Variants in FKBP11 observed in about 807,000 individuals in gnomAD.
FKBP11 encodes FKBP prolyl isomerase 11, also known as peptidyl-prolyl cis-trans isomerase FKBP11.
Under a neutral mutation model 24.7 loss-of-function variants are expected in FKBP11, and 21 were observed. That is an observed-to-expected ratio of 0.85 (90% CI 0.60 to 1.23). The LOEUF is 1.23. FKBP11 is among the 50% of genes most tolerant of loss of function. The pLI is 0.00. For missense variants in FKBP11, 245 were observed against 248.7 expected, an observed-to-expected ratio of 0.99 and a Z score of 0.10; for synonymous variants, 106 against 100.6, an observed-to-expected ratio of 1.05 and a Z score of -0.32.
At chr12:48,931,128 T>TAAAA (rs35482677), upstream of FKBP11, among the ~76,000 whole-genome samples, 131 of 36,208 alleles carry the variant, frequency 3.6e-3, 31 homozygotes, top group Middle Eastern at 0.028. Context: ...GACTCCAGCT[T>TAAAA]AAAAAAAAAA....
chr12:48,937,382 G>A, the FKBP11 span: 6 of 152,606 alleles, frequency 3.9e-5, no homozygotes, highest in East Asian at 1.9e-4. Flanking sequence ...GGACAGCCAC[G>A]TCTTCACAGA....
chr12:48,931,636 A>G, the FKBP11 span: 38 of 625,144 alleles, frequency 6.1e-5, no homozygotes, highest in Middle Eastern at 2.6e-4. Flanking sequence ...ACCCTACCAC[A>G]GTACCTGGGC....
the FKBP11 span, chr12:48,938,294 A>G: frequency 4.2e-4 from 184 of 433,154 alleles, 1 homozygote; most frequent in African/African-American, 3.5e-3. Context: ...AACCAGTCAA[A>G]GACTGGGGCA....
the FKBP11 span, chr12:48,931,501 G>A: frequency 1.3e-6 from 2 of 1,529,164 alleles, no homozygotes; most frequent in South Asian, 1.2e-5. Context: ...AACAGAGAAA[G>A]GTGAGATGAT....
chr12:48,922,488 T>C, intron 5 of FKBP11: 1 of 975,042 alleles, frequency 1.0e-6, no homozygotes, highest in Non-Finnish European at 1.3e-6. Context: ...CTCTTCTCCA[T>C]TTGTAAGTGG....
the FKBP11 span, among the ~76,000 whole-genome samples, chr12:48,932,225 A>ATTTT: frequency 4.4e-4 from 17 of 38,760 alleles, no homozygotes; most frequent in African/African-American, 1.7e-3. Context: ...ATAAACATAT[A>ATTTT]TTTATATATA....
intron 2 of FKBP11, 127 bp downstream of exon 2, chr12:48,924,919 C>A: frequency 6.9e-7 from 1 of 1,439,088 alleles, no homozygotes. Context: ...TCGCCACGTG[C>A]TCGACGACCC....
At chr12:48,925,010 CTCCCA>C in intron 2 of FKBP11, 31 bp downstream of exon 2, 8 of 1,578,488 alleles carry the variant, frequency 5.1e-6, no homozygotes, top group Non-Finnish European at 6.9e-6. Flanking sequence ...GCGCCGCCCC[CTCCCA>C]GGCCCCGCCC....
At chr12:48,925,005 G>A (rs1939926672) in intron 2 of FKBP11, 41 bp downstream of exon 2, 3 of 1,573,190 alleles carry the variant, frequency 1.9e-6, no homozygotes, top group African/African-American at 1.4e-5. Context: ...GCAGGGCGCC[G>A]CCCCCTCCCA....
At chr12:48,930,323 A>T (rs368701891), upstream of FKBP11, among the ~76,000 whole-genome samples, 2 of 152,248 alleles carry the variant, frequency 1.3e-5, no homozygotes, top group South Asian at 4.1e-4. Flanking sequence ...ACATTTAAAA[A>T]AGGAACTAGA....
Position 48,925,054 on chromosome 12 carries a change from G to GT in FKBP11, c.186dup (p.His63ThrfsTer13), listed in dbSNP as rs775725124. Reference sequence around the variant, plus strand: ...CCCCCCAGACCCCTCACCGTGTAGTGTATGTGAAGCGTGTCTCCAAAAGCA... The same window carrying GT: ...CCCCCCAGACCCCTCACCGTGTAGTGTTATGTGAAGCGTGTCTCCAAAAGCA... On this transcript the variant is annotated frameshift_variant, in exon 2 of 6. Coordinates refer to ENST00000550765, the MANE Select transcript of FKBP11 (RefSeq NM_016594.3). LOFTEE classifies it high-confidence loss of function. The GT allele has an allele frequency of 1.2e-6, 2 of 1,609,382 alleles. No homozygotes were observed. Among genetic ancestry groups the GT allele is most frequent in the Non-Finnish European group, 1.7e-6 (2 of 1,176,364 alleles).
upstream of FKBP11, chr12:48,925,545 G>C (rs1462949175): frequency 7.9e-7 from 1 of 1,268,832 alleles, no homozygotes; most frequent in Non-Finnish European, 1.1e-6. Context: ...GGGTCGCGAT[G>C]CTAGAGCTCC....
chr12:48,937,300 GC>G, the FKBP11 span: 2 of 152,256 alleles, frequency 1.3e-5, no homozygotes, highest in African/African-American at 4.8e-5. Context: ...GGGGCCCTGG[GC>G]CCTGACCTTA....
chr12:48,922,323 T>A, intron 5 of FKBP11, 122 bp from the exon 6 acceptor site: 1 of 909,746 alleles, frequency 1.1e-6, no homozygotes, highest in Non-Finnish European at 1.6e-6. Flanking sequence ...TGACAAGATT[T>A]AAATGTGGGC....
At chr12:48,929,625 T>C (rs1940023078), upstream of FKBP11, among the ~76,000 whole-genome samples, 1 of 152,184 alleles carries the variant, frequency 6.6e-6, no homozygotes, top group South Asian at 2.1e-4. Flanking sequence ...CATCCAGCCC[T>C]AATCTGCTTT....
chr12:48,929,078 C>T (rs1413161182), upstream of FKBP11, among the ~76,000 whole-genome samples: 1 of 151,406 alleles, frequency 6.6e-6, no homozygotes, highest in African/African-American at 2.4e-5. Flanking sequence ...CCACCTGCCT[C>T]GGCCTCCCAA....
At chr12:48,932,227 TTATATA>T in the FKBP11 span, among the ~76,000 whole-genome samples, 384 of 37,690 alleles carry the variant, frequency 0.01, 10 homozygotes, top group African/African-American at 0.04. Context: ...AAACATATAT[TTATATA>T]TATATATATA....
At chr12:48,931,579 A>G in the FKBP11 span, 6 of 999,876 alleles carry the variant, frequency 6.0e-6, no homozygotes, top group Non-Finnish European at 5.9e-6. Flanking sequence ...AACCATTGCT[A>G]GAAAAGCCTC....
At chr12:48,931,723 A>C in the FKBP11 span, 1 of 482,558 alleles carries the variant, frequency 2.1e-6, no homozygotes, top group East Asian at 3.5e-5. Flanking sequence ...CCATTTGTTC[A>C]TCAAGGTTGC....
Sources: gnomAD v4.1 joint callset for allele counts (sites outside exome capture counted in the v4.1 genomes callset) on GRCh38, gnomAD v4.1.1 for gene constraint, MANE v1.5 for transcripts, NCBI Gene and HGNC (gene_info 2026-07-23, HGNC 2026-07-21) for gene names.